The following EXPH5 variants were observed in gnomAD, a reference collection of about 807,000 sequenced individuals.
EXPH5 encodes exophilin-5.
In EXPH5, 42 loss-of-function variants were observed where a neutral mutation model predicts 41.1. That is an observed-to-expected ratio of 1.02 (90% CI 0.80 to 1.32). The LOEUF is 1.32. Ranked by LOEUF, EXPH5 falls within the 40% of genes most tolerant of loss-of-function variation. The pLI, the probability that EXPH5 is intolerant of heterozygous loss-of-function variation, is 0.00. For synonymous variants in EXPH5, 798 were observed against 833.5 expected (o/e 0.96, Z 0.73); for missense variants, 2,298 against 2,314.5 (o/e 0.99, Z 0.15).
intron 1 of EXPH5, among the ~76,000 whole-genome samples, chr11:108,577,714 C>T (rs933167464): frequency 1.4e-4 from 22 of 152,032 alleles, no homozygotes; most frequent in African/African-American, 5.1e-4. Context: ...TGAGCCACTG[C>T]GCCTGGCCAG....
intron 1 of EXPH5, among the ~76,000 whole-genome samples, chr11:108,574,375 CAA>C (rs3054579): frequency 0.55 from 75,470 of 138,232 alleles, 19,627 homozygotes; most frequent in Admixed American, 0.59. Flanking sequence ...AAGACCATCT[CAA>C]AAAAAAAAAA....
intron 3 of EXPH5, among the ~76,000 whole-genome samples, chr11:108,528,560 T>C (rs1565796125): frequency 6.6e-6 from 1 of 152,204 alleles, no homozygotes; most frequent in Admixed American, 6.5e-5. Context: ...GAGATGGATA[T>C]TATGGCTACT....
In EXPH5 at chr11:108,541,692, T is replaced by C; in HGVS notation, c.240A>G (p.Gln80=). The change falls in exon 2 of 6, where the codon CAA becomes CAG. Residue 80 remains glutamine, a synonymous_variant. Transcript: ENST00000265843. ...NETDVSQMLK[Q]PLTYRLSKEM... ...CCTTACTTAGCCTGTATGTAAGTGGTTGTTTTAACATTTGGCTAACATCTG... is the reference window on the plus strand; with the variant it reads ...CCTTACTTAGCCTGTATGTAAGTGGCTGTTTTAACATTTGGCTAACATCTG... 6.2e-7 allele frequency: 1 copy of C among 1,611,462 alleles called. No homozygotes were observed. The highest frequency in any genetic ancestry group is 1.3e-5 in the African/African-American group (1 of 74,938).
At chr11:108,564,366 C>T (rs2136086029) in intron 1 of EXPH5, among the ~76,000 whole-genome samples, 1 of 152,258 alleles carries the variant, frequency 6.6e-6, no homozygotes, top group South Asian at 2.1e-4. Flanking sequence ...TTCCTACTTG[C>T]TCCACATGTC....
At chr11:108,528,695 CTTTTTTTTTTTTTTTT>C (rs58500316) in intron 3 of EXPH5, among the ~76,000 whole-genome samples, 46 of 106,328 alleles carry the variant, frequency 4.3e-4, no homozygotes, top group African/African-American at 1.7e-3. Context: ...TTTTCTTTCC[CTTTTTTTTTTTTTTTT>C]TTTTTTTGAG....
chr11:108,550,573 G>A (rs2093959297), intron 1 of EXPH5, among the ~76,000 whole-genome samples: 2 of 152,150 alleles, frequency 1.3e-5, no homozygotes, highest in South Asian at 4.1e-4. Context: ...GAGGCCAGGA[G>A]TTCGAGACCA....
intron 3 of EXPH5, among the ~76,000 whole-genome samples, chr11:108,535,617 G>A (rs1009469033): frequency 1.9e-4 from 29 of 150,548 alleles, no homozygotes; most frequent in African/African-American, 7.1e-4. Flanking sequence ...GAGAGAACAG[G>A]AAAAAAAAAG....
intron 1 of EXPH5, among the ~76,000 whole-genome samples, chr11:108,590,480 A>G (rs1303217703): frequency 6.6e-6 from 1 of 152,168 alleles, no homozygotes; most frequent in Non-Finnish European, 1.5e-5. Context: ...TTGGAGCCAG[A>G]GAGGTCTGGT....
In EXPH5 at chr11:108,508,519, A is replaced by C. The variant is rs1440957940; in HGVS notation, c.*1018T>G. On this transcript the variant is annotated 3_prime_UTR_variant, in exon 6 of 6. Transcript: ENST00000265843. ...AAAACTCCGTCTCCAAAAAACAAAA[A>C]CAAAACAAAACCAAACAAAAAACAA... 6.6e-6 allele frequency: 1 copy of C among 152,634 alleles called. No individual in the cohort carries two copies. The highest frequency in any genetic ancestry group is 6.5e-5 in the Admixed American group (1 of 15,292). 9.5% of individuals were successfully genotyped at this position (152,634 alleles called of 1,614,324 possible). A position where few individuals can be genotyped will look rare whatever the true frequency, so the allele number is the denominator to read the frequency against.
chr11:108,566,120 T>C (rs1278448942), intron 1 of EXPH5, among the ~76,000 whole-genome samples: 2 of 152,208 alleles, frequency 1.3e-5, no homozygotes, highest in African/African-American at 4.8e-5. Flanking sequence ...TAATATAATA[T>C]TAATAGAAAA....
rs1161797976 is a variant in EXPH5, at chr11:108,512,719, T to C, written c.2788A>G (p.Asn930Asp). The C allele has an allele frequency of 6.2e-7, 1 of 1,614,072 alleles. No homozygotes were observed. Among genetic ancestry groups the C allele is most frequent in the East Asian group, 2.2e-5 (1 of 44,882 alleles). ...CTTACAATAAACTGATTCTTTTGGT[T>C]CTTCCCAGCATTGTCTTTTTCTTCT... ...EREEKDNAGK[N>D]QKNQFIVSHS... Residue 930 changes from asparagine to aspartate, a missense_variant, in exon 6 of 6, where the codon AAC becomes GAC. Transcript: ENST00000265843.
the EXPH5 span, among the ~76,000 whole-genome samples, chr11:108,601,543 G>A: frequency 2.0e-5 from 3 of 152,066 alleles, no homozygotes; most frequent in South Asian, 2.1e-4. Context: ...TTAAGTACTG[G>A]AATCCAATCA....
At chr11:108,606,966 C>T in the EXPH5 span, among the ~76,000 whole-genome samples, 1 of 152,088 alleles carries the variant, frequency 6.6e-6, no homozygotes, top group Non-Finnish European at 1.5e-5. Context: ...ATTGTGACCA[C>T]TAAGAGTCAT....
At chr11:108,526,504 A>G (rs1310541367) in intron 4 of EXPH5, among the ~76,000 whole-genome samples, 1 of 152,184 alleles carries the variant, frequency 6.6e-6, no homozygotes, top group Non-Finnish European at 1.5e-5. Flanking sequence ...ACGGCAGAGG[A>G]TGGTCAGTCT....
chr11:108,593,099 G>T (rs1433778683), intron 1 of EXPH5, among the ~76,000 whole-genome samples: 7 of 152,212 alleles, frequency 4.6e-5, no homozygotes, highest in Non-Finnish European at 7.3e-5. Context: ...CACGCCCCGC[G>T]ATGGCCCAGC....
chr11:108,544,515 G>A (rs377146533), intron 1 of EXPH5, among the ~76,000 whole-genome samples: 8 of 152,288 alleles, frequency 5.3e-5, no homozygotes, highest in African/African-American at 1.7e-4. Flanking sequence ...CGTACCTCAA[G>A]CTTTCCTTCC....
intron 1 of EXPH5, 92 bp downstream of exon 1, chr11:108,593,326 A>G: frequency 9.1e-7 from 1 of 1,100,826 alleles, no homozygotes; most frequent in Non-Finnish European, 1.4e-6. Flanking sequence ...ACCCCCGGGC[A>G]GGTGCCCCGC....
At position 108,507,713 on chromosome 11, in the gene EXPH5, C is replaced by T. The variant is rs985135024; in HGVS notation, c.*1824G>A. On this transcript the variant is annotated 3_prime_UTR_variant, in exon 6 of 6. Transcript: ENST00000265843. ...CCTTAGGAGCTCTGCCTTAGAATTT[C>T]CCAAGGGTTTCGTAGATGATCCTGC... The T allele has an allele frequency of 1.3e-5, 2 of 152,178 alleles. No homozygotes were observed. Among genetic ancestry groups the T allele is most frequent in the African/African-American group, 2.4e-5 (1 of 41,492 alleles). The allele number at this position is 152,178 out of a possible 1,614,324, so 9.4% of individuals were successfully genotyped here. A position where few individuals can be genotyped will look rare whatever the true frequency, so the allele number is the denominator to read the frequency against.
In EXPH5 at chr11:108,513,646, G is replaced by A; in HGVS notation, c.1861C>T (p.Gln621Ter). The A allele has an allele frequency of 1.2e-6, 2 of 1,611,938 alleles. No individual in the cohort carries two copies. The highest frequency in any genetic ancestry group is 1.7e-6 in the Non-Finnish European group (2 of 1,179,206). The stretch of plus-strand genomic sequence containing the variant: ...GTTTTGAATGAGGATGCTAGAGTCT[G>A]AGCAATTCCAAATGAGGAAGCTTCT... ...NKEASSFGIA[Q>*]TLASSFKTSF... The change falls in exon 6 of 6, where the codon CAG becomes TAG. Residue 621 changes from glutamine (Q) to a stop codon, truncating the protein, a stop_gained. Coordinates refer to ENST00000265843, the MANE Select transcript of EXPH5 (RefSeq NM_015065.3). LOFTEE classifies it low-confidence loss of function (END_TRUNC).
Sources: gnomAD v4.1 joint callset for allele counts (sites outside exome capture counted in the v4.1 genomes callset) on GRCh38, gnomAD v4.1.1 for gene constraint, MANE v1.5 for transcripts, NCBI Gene and HGNC (gene_info 2026-07-23, HGNC 2026-07-21) for gene names.